DNAJB6: variants seen among roughly 807,000 people sequenced by gnomAD.
DNAJB6 encodes dnaJ homolog subfamily B member 6.
Under a neutral mutation model 42.7 loss-of-function variants are expected in DNAJB6, and 16 were observed. That is an observed-to-expected ratio of 0.37 (90% confidence interval 0.25 to 0.57). The LOEUF (loss-of-function observed/expected upper bound fraction) is 0.57. Among genes scored for constraint, DNAJB6 ranks in the 20% least tolerant of loss-of-function variants. DNAJB6 has a pLI of 0.74. For missense variants in DNAJB6, 347 were observed against 416.8 expected (o/e 0.83, Z 1.46); for synonymous variants, 170 against 163.5 (o/e 1.04, Z -0.30).
At chr7:157,350,960 G>A (rs1467620465) in intron 1 of DNAJB6, among the ~76,000 whole-genome samples, 1 of 147,318 alleles carries the variant, frequency 6.8e-6, no homozygotes, top group Admixed American at 6.8e-5. Context: ...TTGAGACAGA[G>A]TTTCGCTCTT....
intron 8 of DNAJB6, among the ~76,000 whole-genome samples, chr7:157,407,777 G>A (rs1050701367): frequency 1.3e-5 from 2 of 152,224 alleles, no homozygotes; most frequent in African/African-American, 2.4e-5. Flanking sequence ...TCGCAGCACT[G>A]TCGCCATGTG....
At chr7:157,368,745 G>C (rs1403275367) in intron 5 of DNAJB6, 1 of 159,238 alleles carries the variant, frequency 6.3e-6, no homozygotes, top group Admixed American at 6.0e-5. Flanking sequence ...AGTTGTTTTT[G>C]TCTTTTGACT....
chr7:157,377,708 A>C (rs1370077810), intron 5 of DNAJB6, among the ~76,000 whole-genome samples: 3 of 152,154 alleles, frequency 2.0e-5, no homozygotes, highest in African/African-American at 7.2e-5. Flanking sequence ...TCCAAATGCT[A>C]ATCTCATCCA....
At chr7:157,374,995 T>G (rs1800398802) in intron 5 of DNAJB6, among the ~76,000 whole-genome samples, 1 of 152,232 alleles carries the variant, frequency 6.6e-6, no homozygotes, top group Non-Finnish European at 1.5e-5. Context: ...GGTCAACTTG[T>G]GGACAACTCC....
intron 1 of DNAJB6, among the ~76,000 whole-genome samples, chr7:157,354,351 T>TG (rs1799164889): frequency 6.6e-6 from 1 of 152,198 alleles, no homozygotes; most frequent in South Asian, 2.1e-4. Context: ...TGCTCCATGT[T>TG]GATCAGGCTG....
chr7:157,416,363 C>T lies in DNAJB6; in HGVS notation c.*265C>T, dbSNP rs1563157234. 2.1e-6 allele frequency: 1 copy of T among 465,360 alleles called. No individual in the cohort carries two copies. Among genetic ancestry groups the T allele is most frequent in the Non-Finnish European group, 3.9e-6 (1 of 257,424 alleles). 28.8% of individuals were successfully genotyped at this position (465,360 alleles called of 1,614,324 possible). A position where few individuals can be genotyped will look rare whatever the true frequency, so the allele number is the denominator to read the frequency against. Reference sequence around the variant, plus strand: ...CAATCTGCTGCATTTTCCTCTAGTGCTTCCGGATCCTCTTCATTCTTTTCG... The same window carrying T: ...CAATCTGCTGCATTTTCCTCTAGTGTTTCCGGATCCTCTTCATTCTTTTCG... On this transcript the variant is annotated 3_prime_UTR_variant, in exon 10 of 10. Transcript: ENST00000262177.
chr7:157,378,091 AGTATTG>A lies in DNAJB6; in HGVS notation c.347-4152_347-4147del, dbSNP rs1162333334. ...TAACATGCATAGATTATATATGACA[AGTATTG>A]GTCACAAAATAAGGAGGAAATACTC... On this transcript the variant is annotated intron_variant, in intron 5 of 9. Coordinates refer to ENST00000262177, the MANE Select transcript of DNAJB6 (RefSeq NM_058246.4). 4.6e-5 allele frequency: 7 copies of A among 152,224 alleles called. No individual in the cohort carries two copies. In the East Asian group the frequency reaches 1.2e-3, roughly 25 times the overall value. 9.4% of individuals were successfully genotyped at this position (152,224 alleles called of 1,614,324 possible).
At position 157,359,257 on chromosome 7, in the gene DNAJB6, G is replaced by C. The variant is rs150506186; in HGVS notation, c.65+620G>C. Among the ~76,000 whole-genome samples the C allele has an allele frequency of 5.9e-3, 894 of 152,232 alleles. 12 individuals carry two copies. The highest frequency in any genetic ancestry group is 0.02 in the African/African-American group (840 of 41,540). On this transcript the variant is annotated intron_variant, in intron 2 of 9. Transcript: ENST00000262177. Reference sequence around the variant, plus strand: ...AACATAGCTAGAGAGCAGTTAGCCTGGAATAGTTGGAACCAACTTAAAAAA... The same window carrying C: ...AACATAGCTAGAGAGCAGTTAGCCTCGAATAGTTGGAACCAACTTAAAAAA...
chr7:157,358,282 C>G (rs940695297), intron 1 of DNAJB6, among the ~76,000 whole-genome samples: 1 of 152,132 alleles, frequency 6.6e-6, no homozygotes, highest in Non-Finnish European at 1.5e-5. Flanking sequence ...CTAGAGTCAC[C>G]TGTTGTTTAG....
intron 1 of DNAJB6, among the ~76,000 whole-genome samples, chr7:157,345,817 T>C (rs1798654952): frequency 1.3e-5 from 2 of 152,190 alleles, no homozygotes; most frequent in South Asian, 4.1e-4. Context: ...GGGGTTCTAA[T>C]GGACACCTAT....
chr7:157,349,495 T>G (rs114691108), intron 1 of DNAJB6, among the ~76,000 whole-genome samples: 1,675 of 151,724 alleles, frequency 0.011, 29 homozygotes, highest in East Asian at 0.059. Flanking sequence ...ATTACTTTTT[T>G]TTTTTGAGTC....
intron 1 of DNAJB6, among the ~76,000 whole-genome samples, chr7:157,347,177 C>T (rs1798732546): frequency 6.6e-6 from 1 of 152,160 alleles, no homozygotes; most frequent in Non-Finnish European, 1.5e-5. Context: ...TTTGTTGTTT[C>T]TGTAATGCGT....
intron 3 of DNAJB6, among the ~76,000 whole-genome samples, chr7:157,365,448 G>T (rs1799796489): frequency 6.6e-6 from 1 of 152,220 alleles, no homozygotes; most frequent in Non-Finnish European, 1.5e-5. Context: ...TAGGGTGTTA[G>T]GTTGGCGCCT....
intron 1 of DNAJB6, among the ~76,000 whole-genome samples, chr7:157,346,817 A>G (rs1798711585): frequency 6.6e-6 from 1 of 152,100 alleles, no homozygotes; most frequent in Non-Finnish European, 1.5e-5. Flanking sequence ...TTCCTTGGAG[A>G]CACGTGGATT....
At chr7:157,410,225 G>C (rs986516850) in intron 9 of DNAJB6, 40 of 1,124,120 alleles carry the variant, frequency 3.6e-5, no homozygotes, top group Non-Finnish European at 4.4e-5. Context: ...CGGGGTCCGC[G>C]TGTCCTGTAC....
At chr7:157,398,174 T>G (rs1801686873) in intron 8 of DNAJB6, among the ~76,000 whole-genome samples, 1 of 152,224 alleles carries the variant, frequency 6.6e-6, no homozygotes, top group Non-Finnish European at 1.5e-5. Flanking sequence ...TGCCACATTG[T>G]TTGGAGTCTG....
chr7:157,350,370 A>G (rs764142545), intron 1 of DNAJB6, among the ~76,000 whole-genome samples: 1 of 152,234 alleles, frequency 6.6e-6, no homozygotes, highest in Non-Finnish European at 1.5e-5. Flanking sequence ...AAAGGTAACT[A>G]TGCGGAAGAG....
chr7:157,388,698 T>C (rs911192595), intron 8 of DNAJB6, among the ~76,000 whole-genome samples: 2 of 152,128 alleles, frequency 1.3e-5, no homozygotes, highest in Admixed American at 1.3e-4. Context: ...TTCTGAGATG[T>C]TAGTGCTGCT....
rs1000446087 is a variant in DNAJB6, at chr7:157,410,289, T to C, written c.898+288T>C. ...GAGCTGCCACGGCAGTGCGAGGTGCTGCTTTTACCGTAGACGTGCCTTTTC... is the reference window on the plus strand; with the variant it reads ...GAGCTGCCACGGCAGTGCGAGGTGCCGCTTTTACCGTAGACGTGCCTTTTC... On this transcript the variant is annotated intron_variant, in intron 9 of 9. Transcript: ENST00000262177. The C allele has an allele frequency of 8.4e-6, 5 of 598,140 alleles. No individual in the cohort carries two copies. In the Admixed American group the frequency reaches 1.2e-4, roughly 15 times the overall value. The allele number at this position is 598,140 out of a possible 1,614,324, so 37.1% of individuals were successfully genotyped here. A position where few individuals can be genotyped will look rare whatever the true frequency, so the allele number is the denominator to read the frequency against.
Sources: gnomAD v4.1 joint callset for allele counts (sites outside exome capture counted in the v4.1 genomes callset) on GRCh38, gnomAD v4.1.1 for gene constraint, MANE v1.5 for transcripts, NCBI Gene and HGNC (gene_info 2026-07-23, HGNC 2026-07-21) for gene names.